Variants in ATP13A1 observed in about 807,000 individuals in gnomAD.
The protein encoded by ATP13A1 is ATPase 13A1.
ATP13A1 carries 55 observed loss-of-function variants against 134.8 expected under a neutral mutation model. The ratio of observed to expected loss-of-function variants is 0.41; its 90% CI spans 0.33 to 0.51. ATP13A1 has a LOEUF of 0.51. ATP13A1 is among the 20% of genes least tolerant of loss of function. The probability of loss-of-function intolerance (pLI) is 0.29; values close to 1 mark genes in which losing one functional copy is unlikely to be tolerated. For missense variants in ATP13A1, 1,389 were observed against 1,652.8 expected, an observed-to-expected ratio of 0.84 and a Z score of 2.77; for synonymous variants, 775 against 725.1, an observed-to-expected ratio of 1.07 and a Z score of -1.10.
chr19:19,645,253 T>A lies in ATP13A1; in HGVS notation c.*169A>T. On this transcript the variant is annotated 3_prime_UTR_variant, in exon 26 of 26. Coordinates refer to ENST00000357324, the MANE Select transcript of ATP13A1 (RefSeq NM_020410.3). This position sits in a 1 kb window ranked among gnomAD's most constrained non-coding sequence, Gnocchi z 4.1. Reference sequence around the variant, plus strand: ...CCAAAGGTGCTGGCTTGGGGCTGGTTCTGCTGGCCAAGCCAGCGGATGGCT... The same window carrying A: ...CCAAAGGTGCTGGCTTGGGGCTGGTACTGCTGGCCAAGCCAGCGGATGGCT... 4.2e-6 allele frequency: 3 copies of A among 721,866 alleles called. No homozygotes were observed. In the South Asian group the frequency reaches 5.7e-5, roughly 14 times the overall value. The allele number at this position is 721,866 out of a possible 1,614,324, so 44.7% of individuals were successfully genotyped here.
chr19:19,661,687 T>A (rs1446939366), intron 1 of ATP13A1, among the ~76,000 whole-genome samples: 1 of 152,218 alleles, frequency 6.6e-6, no homozygotes, highest in Admixed American at 6.5e-5. Flanking sequence ...TGGAACTCGT[T>A]CAGTGCTCCC....
rs753205252 is a variant in ATP13A1 at position 19,647,596 on chromosome 19, C to G, written c.2793+3G>C. 1 of 1,613,446 alleles carries G rather than the reference C, an allele frequency of 6.2e-7. No individual in the cohort carries two copies. Among genetic ancestry groups the G allele is most frequent in the South Asian group, 1.1e-5 (1 of 91,044 alleles). Reference sequence around the variant, plus strand: ...GTGCAGCACCTCCCCTCTTGGGACTCACCCTCTGGGAGGTTGGCTGCTCCT... The same window carrying G: ...GTGCAGCACCTCCCCTCTTGGGACTGACCCTCTGGGAGGTTGGCTGCTCCT... On this transcript the variant is annotated splice_donor_region_variant and intron_variant, in intron 20 of 25. Transcript: ENST00000357324. The surrounding 1 kb of genome is among the most constrained non-coding windows in gnomAD (Gnocchi z 4.8).
intron 19 of ATP13A1, among the ~76,000 whole-genome samples, chr19:19,648,427 T>A (rs2062000519): frequency 6.9e-6 from 1 of 144,624 alleles, no homozygotes; most frequent in East Asian, 2.0e-4. Flanking sequence ...TAAAAGCAGA[T>A]AAATATTGGA....
At chr19:19,663,199 A>G in intron 1 of ATP13A1, 72 bp downstream of exon 1, 2 of 1,547,828 alleles carry the variant, frequency 1.3e-6, no homozygotes, top group Non-Finnish European at 1.7e-6. Context: ...GGTGACCGAC[A>G]GGAAGGCCGC....
At chr19:19,660,968 A>C (rs1488483303) in intron 1 of ATP13A1, among the ~76,000 whole-genome samples, 1 of 151,390 alleles carries the variant, frequency 6.6e-6, no homozygotes. Flanking sequence ...AGTCTCAGCT[A>C]CTCGGGAGGC....
Position 19,653,672 on chromosome 19 carries a change from G to T in ATP13A1, c.2100+112C>A. 1 of 1,025,340 alleles carries T rather than the reference G, an allele frequency of 9.8e-7. No individual in the cohort carries two copies. Among genetic ancestry groups the T allele is most frequent in the Non-Finnish European group, 1.4e-6 (1 of 709,468 alleles). The allele number at this position is 1,025,340 out of a possible 1,614,324, so 63.5% of individuals were successfully genotyped here. A position where few individuals can be genotyped will look rare whatever the true frequency, so the allele number is the denominator to read the frequency against. On this transcript the variant is annotated intron_variant, in intron 15 of 25. Transcript: ENST00000357324. This position sits in a 1 kb window ranked among gnomAD's most constrained non-coding sequence, Gnocchi z 4.2. Reference sequence around the variant, plus strand: ...AAGGTAGAAGCTGGAGGCGGGGCAAGGAGGACAAAATCACAACCATTCAAC... The same window carrying T: ...AAGGTAGAAGCTGGAGGCGGGGCAATGAGGACAAAATCACAACCATTCAAC...
In ATP13A1 at chr19:19,657,317, G is replaced by A; in HGVS notation, c.750+19C>T. The A allele has an allele frequency of 6.4e-7, 1 of 1,559,472 alleles. No individual in the cohort carries two copies. Among genetic ancestry groups the A allele is most frequent in the Admixed American group, 1.9e-5 (1 of 51,904 alleles). On this transcript the variant is annotated intron_variant, in intron 4 of 25. Transcript: ENST00000357324. ...CCCAAGGGAGGAAATGGGGAGATGG[G>A]CCAGAGCTGCTGCTTTACCTGAAAT...
At chr19:19,662,179 A>G in intron 1 of ATP13A1, 2 of 1,550,096 alleles carry the variant, frequency 1.3e-6, no homozygotes, top group Non-Finnish European at 1.7e-6. Flanking sequence ...CTGAAGTTTG[A>G]GCGGTGCCAC....
chr19:19,662,113 CCATCCCTGGAGAGGAAGT>C, intron 1 of ATP13A1: 1 of 1,568,956 alleles, frequency 6.4e-7, no homozygotes, highest in Non-Finnish European at 8.7e-7. Flanking sequence ...TCCCACTTCT[CCATCCCTGGAGAGGAAGT>C]TAAGAGCTAA....
chr19:19,646,550 C>T (rs2061987399), intron 22 of ATP13A1: 2 of 632,918 alleles, frequency 3.2e-6, no homozygotes, highest in East Asian at 5.6e-5. Flanking sequence ...CTCCCTGGCC[C>T]CGGCTCCGCC....
intron 17 of ATP13A1, 171 bp from the exon 18 acceptor site, chr19:19,650,111 C>T (rs574471541): frequency 2.9e-5 from 18 of 630,048 alleles, no homozygotes; most frequent in African/African-American, 1.7e-4. Context: ...AAGAATGTCC[C>T]TCAGGTGCAC....
Position 19,645,574 on chromosome 19 carries a change from C to T in ATP13A1, c.3505-42G>A. ...GGATGGTGAGCTGGAGACCTGCAGC[C>T]CAGCTCAGGGTCACTGCCATAGGAG... On this transcript the variant is annotated intron_variant, in intron 25 of 25. Coordinates refer to ENST00000357324, the MANE Select transcript of ATP13A1 (RefSeq NM_020410.3). This position sits in a 1 kb window ranked among gnomAD's most constrained non-coding sequence, Gnocchi z 4.1. The T allele has an allele frequency of 6.4e-7, 1 of 1,565,758 alleles. No homozygotes were observed. The highest frequency in any genetic ancestry group is 8.7e-7 in the Non-Finnish European group (1 of 1,155,414).
At chr19:19,662,574 G>T (rs1001680153) in intron 1 of ATP13A1, among the ~76,000 whole-genome samples, 1 of 152,144 alleles carries the variant, frequency 6.6e-6, no homozygotes, top group Admixed American at 6.6e-5. Flanking sequence ...CAACTCCTCC[G>T]ACGACACTTG....
Position 19,649,830 on chromosome 19 carries a change from A to G in ATP13A1, c.2446T>C (p.Leu816=), listed in dbSNP as rs955019781. 2.5e-6 allele frequency: 4 copies of G among 1,602,934 alleles called. No homozygotes were observed. The African/African-American group carries it at 5.3e-5, about 21-fold the overall frequency. Residue 816 remains leucine, a synonymous_variant, in exon 18 of 26, where the codon TTG becomes CTG. Coordinates refer to ENST00000357324, the MANE Select transcript of ATP13A1 (RefSeq NM_020410.3). The stretch of plus-strand genomic sequence containing the variant: ...GGGTCGGTGGCCTGCAGGTGGGCCA[A>G]GCCGTCGCCTGTGAGGCACAGTGCG... The part of the protein sequence containing the change: ...EYALCLTGDG[L]AHLQATDPQQ...
At chr19:19,658,843 C>T (rs1445195443) in intron 3 of ATP13A1, among the ~76,000 whole-genome samples, 1 of 152,204 alleles carries the variant, frequency 6.6e-6, no homozygotes, top group Non-Finnish European at 1.5e-5. Context: ...TGACTCATGC[C>T]TGTAATCCCA....
rs377258845 is a variant in ATP13A1 at position 19,646,551 on chromosome 19, C to G, written c.3106-204G>C. ...GAGCCCAGGGCTGCCTCCCTGGCCC[C>G]GGCTCCGCCATCCAGGCTCCCCATG... On this transcript the variant is annotated intron_variant, in intron 22 of 25. Transcript: ENST00000357324. 4.4e-5 allele frequency: 28 copies of G among 630,148 alleles called. No homozygotes were observed. The South Asian group carries it at 5.2e-4, about 12-fold the overall frequency. 39.0% of individuals were successfully genotyped at this position (630,148 alleles called of 1,614,324 possible).
In ATP13A1 at chr19:19,659,903, T is replaced by C; in HGVS notation, c.481A>G (p.Asn161Asp). 1.3e-6 allele frequency: 2 copies of C among 1,589,750 alleles called. No individual in the cohort carries two copies. Among genetic ancestry groups the C allele is most frequent in the East Asian group, 2.3e-5 (1 of 44,034 alleles). The change falls in exon 2 of 26, where the codon AAT becomes GAT. Residue 161 changes from asparagine to aspartate, a missense_variant. Physicochemically the swap from Asn to Asp is conservative, Grantham distance 23. This residue lies in a region of ATP13A1 where 293 missense variants were observed against 270.8 expected (regional missense o/e 1.08). Coordinates refer to ENST00000357324, the MANE Select transcript of ATP13A1 (RefSeq NM_020410.3). ...GCCCAGCAGGCAGTCCCTACCTCATTGCGGTGCAGGGCCACGAGCTCCGTG... is the reference window on the plus strand; with the variant it reads ...GCCCAGCAGGCAGTCCCTACCTCATCGCGGTGCAGGGCCACGAGCTCCGTG... The part of the protein sequence containing the change: ...GSTELVALHR[N>D]EGEDGLEVLS...
In ATP13A1 at chr19:19,649,783, G is replaced by A. The variant is rs2062012363; in HGVS notation, c.2493C>T (p.Ile831=). The change falls in exon 18 of 26, where the codon ATC becomes ATT. Residue 831 remains isoleucine (I), a synonymous_variant. Transcript: ENST00000357324. ...ATDPQQLLRL[I]PHVQVFARVA... is the part of the protein sequence containing the mutation. ...CACGGGCGAACACCTGCACATGGGG[G>A]ATGAGGCGGAGCAGCTGCTGGGGGT... 1 of 1,601,440 alleles carries A rather than the reference G, an allele frequency of 6.2e-7. No homozygotes were observed. Among genetic ancestry groups the A allele is most frequent in the Non-Finnish European group, 8.5e-7 (1 of 1,175,428 alleles).
intron 15 of ATP13A1, chr19:19,652,938 G>A (rs1025000046): frequency 2.5e-5 from 15 of 608,248 alleles, no homozygotes; most frequent in Middle Eastern, 4.5e-4. Context: ...TGGGTCCCCC[G>A]AATGTGGCTC....
Sources: allele counts gnomAD v4.1 joint callset (sites outside exome capture counted in the v4.1 genomes callset), GRCh38; gene constraint gnomAD v4.1.1; regional missense constraint gnomAD v4.1.1; non-coding constraint Gnocchi (gnomAD v3.1); transcripts MANE v1.5; gene names NCBI Gene and HGNC (gene_info 2026-07-23, HGNC 2026-07-21).